CDH12: variants seen among roughly 807,000 people sequenced by gnomAD.
The protein encoded by CDH12 is cadherin-12.
A neutral mutation model predicts 74.1 loss-of-function variants in CDH12; 41 were observed. The observed-to-expected ratio is 0.55, with a 90% CI of 0.43 to 0.72. The LOEUF is 0.72. CDH12 is among the 30% of genes least tolerant of loss of function. CDH12 has a pLI of 0.00. For missense variants in CDH12, 945 were observed against 977.2 expected, an observed-to-expected ratio of 0.97 and a Z score of 0.44; for synonymous variants, 399 against 355.0, an observed-to-expected ratio of 1.12 and a Z score of -1.39.
intron 3 of CDH12, among the ~76,000 whole-genome samples, chr5:22,216,423 C>T (rs1580414489): frequency 6.6e-6 from 1 of 151,886 alleles, no homozygotes; most frequent in South Asian, 2.1e-4. Context: ...AATCTTGCTT[C>T]TGTATACCAA....
intron 5 of CDH12, among the ~76,000 whole-genome samples, chr5:21,994,357 T>C (rs1736148358): frequency 6.6e-6 from 1 of 152,056 alleles, no homozygotes; most frequent in Non-Finnish European, 1.5e-5. Flanking sequence ...TTCCAACAAG[T>C]ATTCTTGACT....
intron 1 of CDH12, among the ~76,000 whole-genome samples, chr5:22,555,060 T>C (rs941335747): frequency 1.2e-4 from 18 of 152,200 alleles, no homozygotes; most frequent in African/African-American, 4.3e-4. Flanking sequence ...GCACAGAATA[T>C]TGTTGGATTA....
intron 7 of CDH12, among the ~76,000 whole-genome samples, chr5:21,844,785 C>G (rs1387078778): frequency 2.0e-5 from 3 of 152,110 alleles, no homozygotes; most frequent in Non-Finnish European, 4.4e-5. Context: ...AATTCCACAA[C>G]TCTCTCTGTC....
intron 1 of CDH12, among the ~76,000 whole-genome samples, chr5:22,590,122 G>GT (rs1424646481): frequency 6.6e-6 from 1 of 152,094 alleles, no homozygotes; most frequent in African/African-American, 2.4e-5. Flanking sequence ...TTTAAAATAT[G>GT]AGACCCCTTT....
At chr5:22,659,563 T>C (rs2062189003) in intron 1 of CDH12, among the ~76,000 whole-genome samples, 1 of 152,084 alleles carries the variant, frequency 6.6e-6, no homozygotes, top group South Asian at 2.1e-4. Flanking sequence ...ATTTAAAAAA[T>C]AAACAAAAAC....
intron 2 of CDH12, among the ~76,000 whole-genome samples, chr5:22,447,773 C>A (rs893355636): frequency 1.3e-5 from 2 of 151,796 alleles, no homozygotes; most frequent in Non-Finnish European, 2.9e-5. Context: ...CAAAATAAAG[C>A]AACACAACCA....
At chr5:22,635,470 C>T (rs1561542608) in intron 1 of CDH12, among the ~76,000 whole-genome samples, 1 of 151,770 alleles carries the variant, frequency 6.6e-6, no homozygotes, top group South Asian at 2.1e-4. Flanking sequence ...ACCTAAGAAA[C>T]AAAAAAAGTT....
chr5:22,063,393 C>A (rs543459876), intron 5 of CDH12, among the ~76,000 whole-genome samples: 71 of 152,148 alleles, frequency 4.7e-4, no homozygotes, highest in African/African-American at 1.7e-3. Flanking sequence ...TTCCATCACA[C>A]AGACCCTATA....
At chr5:21,862,755 G>A (rs957122772) in intron 6 of CDH12, among the ~76,000 whole-genome samples, 5 of 152,046 alleles carry the variant, frequency 3.3e-5, no homozygotes, top group African/African-American at 1.2e-4. Context: ...ATAAATATAA[G>A]CAGATTATAT....
At chr5:22,252,826 A>AT (rs566193066) in intron 3 of CDH12, among the ~76,000 whole-genome samples, 405 of 149,798 alleles carry the variant, frequency 2.7e-3, no homozygotes, top group Non-Finnish European at 5.0e-3. Context: ...ATGTCCAGGA[A>AT]TTTTTTTTTT....
At chr5:21,837,884 A>G (rs769457734) in intron 8 of CDH12, among the ~76,000 whole-genome samples, 1 of 152,220 alleles carries the variant, frequency 6.6e-6, no homozygotes, top group South Asian at 2.1e-4. Flanking sequence ...ACAATAGTCC[A>G]AGTGTTCATG....
At chr5:22,425,143 A>ATGTG (rs34267153) in intron 2 of CDH12, among the ~76,000 whole-genome samples, 18 of 124,024 alleles carry the variant, frequency 1.5e-4, no homozygotes, top group African/African-American at 4.2e-4. Context: ...AATTATATAT[A>ATGTG]TGTGTGTGTG....
At chr5:22,621,191 T>C (rs1236484034) in intron 1 of CDH12, among the ~76,000 whole-genome samples, 1 of 152,182 alleles carries the variant, frequency 6.6e-6, no homozygotes, top group African/African-American at 2.4e-5. Context: ...AGTCTGCTTC[T>C]GTCTTTCACT....
At chr5:21,950,686 A>T (rs919796387) in intron 6 of CDH12, among the ~76,000 whole-genome samples, 4 of 150,918 alleles carry the variant, frequency 2.7e-5, no homozygotes, top group Non-Finnish European at 4.4e-5. Context: ...AAAAGTAAAA[A>T]GAGAGAAACA....
At chr5:22,234,961 A>C (rs1010782433) in intron 3 of CDH12, among the ~76,000 whole-genome samples, 4 of 152,154 alleles carry the variant, frequency 2.6e-5, no homozygotes, top group African/African-American at 9.7e-5. Context: ...TCAATTAAAA[A>C]CCTGATACAA....
chr5:22,645,917 A>C lies in CDH12; in HGVS notation c.-522-140553T>G, dbSNP rs1300565566. Among the ~76,000 whole-genome samples, 3 of 151,964 alleles carry C rather than the reference A, an allele frequency of 2.0e-5. No individual in the cohort carries two copies. The South Asian group carries it at 6.2e-4, about 31-fold the overall frequency. ...ACATAATACTATTGCATACATAATA[A>C]ATTACAGTATAATATAAACATAATT... is the stretch of plus-strand genomic sequence containing the variant. On this transcript the variant is annotated intron_variant, in intron 1 of 14. Transcript: ENST00000382254.
chr5:22,804,852 G>A (rs933910199), intron 1 of CDH12, among the ~76,000 whole-genome samples: 6 of 152,228 alleles, frequency 3.9e-5, no homozygotes, highest in South Asian at 2.1e-4. Context: ...GAAATTGTAC[G>A]TACACTACTT....
intron 4 of CDH12, among the ~76,000 whole-genome samples, chr5:22,133,227 A>G (rs1354464651): frequency 1.3e-5 from 2 of 152,150 alleles, no homozygotes; most frequent in Non-Finnish European, 2.9e-5. Flanking sequence ...CTAGTATCTT[A>G]TAACTAGAAG....
At chr5:22,096,124 G>C (rs1179124041) in intron 4 of CDH12, among the ~76,000 whole-genome samples, 1 of 151,400 alleles carries the variant, frequency 6.6e-6, no homozygotes, top group Non-Finnish European at 1.5e-5. Context: ...CCCTTAGCCT[G>C]TGCTCTCAAG....
Sources: gnomAD v4.1 joint callset for allele counts (sites outside exome capture counted in the v4.1 genomes callset) on GRCh38, gnomAD v4.1.1 for gene constraint, MANE v1.5 for transcripts, NCBI Gene and HGNC (gene_info 2026-07-23, HGNC 2026-07-21) for gene names.